Variants in TVP23A observed in about 807,000 individuals in gnomAD.
The protein encoded by TVP23A is trans-golgi network vesicle protein 23 homolog A, also known as Golgi apparatus membrane protein TVP23 homolog A.
In TVP23A, 21 loss-of-function variants were observed where a neutral mutation model predicts 31.7. The observed-to-expected ratio is 0.66, with a 90% CI of 0.47 to 0.95. TVP23A has a LOEUF of 0.95. TVP23A is among the 40% of genes least tolerant of loss of function. The pLI is 0.00. For missense variants in TVP23A, 279 were observed against 255.6 expected (o/e 1.09, Z -0.62); for synonymous variants, 104 against 96.0 (o/e 1.08, Z -0.49).
chr16:10,767,212 G>T lies in TVP23A; in HGVS notation c.*1890C>A, dbSNP rs1232819674. On this transcript the variant is annotated 3_prime_UTR_variant, in exon 8 of 8. Coordinates refer to ENST00000299866, the MANE Select transcript of TVP23A (RefSeq NM_001079512.4). This position sits in a 1 kb window ranked among gnomAD's most constrained non-coding sequence, Gnocchi z 4.6. ...TCCACCCACGACTGGGGGCTGGCAGGGCAGACTGGAGGCGAGAACACCCCC... is the reference window on the plus strand; with the variant it reads ...TCCACCCACGACTGGGGGCTGGCAGTGCAGACTGGAGGCGAGAACACCCCC... 3 of 399,702 alleles carry T rather than the reference G, an allele frequency of 7.5e-6. No homozygotes were observed. The highest frequency in any genetic ancestry group is 6.2e-5 in the African/African-American group (3 of 48,650). 24.8% of individuals were successfully genotyped at this position (399,702 alleles called of 1,614,324 possible). A position where few individuals can be genotyped will look rare whatever the true frequency, so the allele number is the denominator to read the frequency against.
At chr16:10,791,730 C>A (rs574177984) in intron 2 of TVP23A, among the ~76,000 whole-genome samples, 5 of 152,334 alleles carry the variant, frequency 3.3e-5, no homozygotes, top group Admixed American at 3.3e-4. Flanking sequence ...GCCTCAGCCT[C>A]CTGAGTAGCT....
chr16:10,757,916 C>G (rs571511041), downstream of TVP23A: 2 of 1,613,988 alleles, frequency 1.2e-6, no homozygotes, highest in Non-Finnish European at 1.7e-6. This position sits in a 1 kb window ranked among gnomAD's most constrained non-coding sequence, Gnocchi z 4.1. Flanking sequence ...GGGGAGAGGT[C>G]GACTACCTCA....
chr16:10,775,051 G>A lies in TVP23A; in HGVS notation c.135C>T (p.Ala45=), dbSNP rs1315268292. 3 of 1,611,832 alleles carry A rather than the reference G, an allele frequency of 1.9e-6. No individual in the cohort carries two copies. The highest frequency in any genetic ancestry group is 2.5e-6 in the Non-Finnish European group (3 of 1,178,926). The change falls in exon 3 of 8, where the codon GCC becomes GCT. Residue 45 remains alanine (A), a synonymous_variant. Coordinates refer to ENST00000299866, the MANE Select transcript of TVP23A (RefSeq NM_001079512.4). ...AGTCGCAGCTCACGTAGGTGACGAT[G>A]GCACTCACTCGGAAAAACAGGTGGA... The part of the protein sequence containing the change: ...TFFHLFFRVS[A]IVTYVSCDWF...
chr16:10,799,039 T>C (rs2033559349), intron 2 of TVP23A, among the ~76,000 whole-genome samples: 1 of 152,188 alleles, frequency 6.6e-6, no homozygotes, highest in Non-Finnish European at 1.5e-5. Context: ...AGCAGCCCTA[T>C]GTTGAGAGGC....
chr16:10,792,012 C>T (rs2033131668), intron 2 of TVP23A, among the ~76,000 whole-genome samples: 2 of 152,202 alleles, frequency 1.3e-5, no homozygotes, highest in South Asian at 2.1e-4. Context: ...GCCAGCCTTC[C>T]CTGAGTGCTA....
At chr16:10,762,054 A>C, downstream of TVP23A, 1 of 527,766 alleles carries the variant, frequency 1.9e-6, no homozygotes, top group Non-Finnish European at 3.4e-6. Flanking sequence ...GCGGGCAGGT[A>C]GCGGGAGCAA....
At chr16:10,811,903 C>CAAAAAAAAAA (rs763108313) in intron 2 of TVP23A, among the ~76,000 whole-genome samples, 3 of 42,226 alleles carry the variant, frequency 7.1e-5, no homozygotes, top group Admixed American at 2.4e-4. Flanking sequence ...GACTCCGTCT[C>CAAAAAAAAAA]AAAAAAAAAA....
At chr16:10,799,934 A>T (rs2033610453) in intron 2 of TVP23A, among the ~76,000 whole-genome samples, 1 of 149,294 alleles carries the variant, frequency 6.7e-6, no homozygotes, top group South Asian at 2.2e-4. Flanking sequence ...GCATGAAAAG[A>T]GGGAGTGGCT....
At chr16:10,809,780 T>C (rs1182410771) in intron 2 of TVP23A, among the ~76,000 whole-genome samples, 1 of 152,092 alleles carries the variant, frequency 6.6e-6, no homozygotes, top group Non-Finnish European at 1.5e-5. Flanking sequence ...TCCTCCTGCA[T>C]CCCAAGGCAG....
At chr16:10,765,574 C>A (rs2030756147), downstream of TVP23A, among the ~76,000 whole-genome samples, 1 of 152,186 alleles carries the variant, frequency 6.6e-6, no homozygotes, top group Admixed American at 6.5e-5. This position sits in a 1 kb window ranked among gnomAD's most constrained non-coding sequence, Gnocchi z 4.0. Flanking sequence ...CAGCCACAGG[C>A]CTGCCCTTGC....
intron 2 of TVP23A, among the ~76,000 whole-genome samples, chr16:10,794,216 A>C (rs2033263307): frequency 6.6e-6 from 1 of 152,230 alleles, no homozygotes; most frequent in African/African-American, 2.4e-5. Context: ...TTAGAATAGC[A>C]ATCAAATCTC....
rs1047579036 is a variant in TVP23A, at chr16:10,784,592, GA to G, written c.90-9497del. Reference sequence around the variant, plus strand: ...AATAAATAAATAAAGAAGAAAGAAAGAAAAAAAAACCTCATAAAATGTACAA... The same window carrying G: ...AATAAATAAATAAAGAAGAAAGAAAGAAAAAAAACCTCATAAAATGTACAA... On this transcript the variant is annotated intron_variant, in intron 2 of 7. Transcript: ENST00000299866. 6.0e-5 allele frequency among the ~76,000 whole-genome samples: 9 copies of G among 149,388 alleles called. No homozygotes were observed. The East Asian group carries it at 7.8e-4, about 13-fold the overall frequency.
intron 2 of TVP23A, among the ~76,000 whole-genome samples, chr16:10,815,234 A>G (rs1032282956): frequency 3.3e-5 from 5 of 152,080 alleles, no homozygotes; most frequent in African/African-American, 1.2e-4. Flanking sequence ...CATCTCTACT[A>G]AAACAAAACA....
intron 2 of TVP23A, among the ~76,000 whole-genome samples, chr16:10,807,794 G>A (rs920588941): frequency 5.3e-5 from 8 of 152,232 alleles, no homozygotes; most frequent in Non-Finnish European, 7.3e-5. Flanking sequence ...CAAAGCTCAC[G>A]CTGAGTGTCT....
chr16:10,790,700 A>G (rs2033057027), intron 2 of TVP23A, among the ~76,000 whole-genome samples: 1 of 152,160 alleles, frequency 6.6e-6, no homozygotes, highest in Non-Finnish European at 1.5e-5. Context: ...ATGAAAATTT[A>G]TGGTTTGTAG....
chr16:10,807,485 G>A (rs1273399166), intron 2 of TVP23A, among the ~76,000 whole-genome samples: 1 of 152,194 alleles, frequency 6.6e-6, no homozygotes, highest in Non-Finnish European at 1.5e-5. Flanking sequence ...TCAACCAGGG[G>A]CAATGTGGCT....
intron 2 of TVP23A, chr16:10,808,450 G>C (rs1471649429): frequency 2.2e-6 from 1 of 451,672 alleles, no homozygotes; most frequent in African/African-American, 2.0e-5. Flanking sequence ...GAGACCACAG[G>C]ACAATGATCT....
At chr16:10,772,812 C>T (rs1416263818) in intron 5 of TVP23A, among the ~76,000 whole-genome samples, 1 of 152,148 alleles carries the variant, frequency 6.6e-6, no homozygotes, top group Non-Finnish European at 1.5e-5. Context: ...ATGAAAATTT[C>T]CTAACATTGA....
chr16:10,803,268 T>TGTGTGTGTGTGTGTGTGTGCGTGC (rs1555485950), intron 2 of TVP23A, among the ~76,000 whole-genome samples: 1 of 151,302 alleles, frequency 6.6e-6, no homozygotes, highest in Non-Finnish European at 1.5e-5. Flanking sequence ...TGTGTGTGTG[T>TGTGTGTGTGTGTGTGTGTGCGTGC]GTGTGTGTGT....
Sources: gnomAD v4.1 joint callset for allele counts (sites outside exome capture counted in the v4.1 genomes callset) on GRCh38, gnomAD v4.1.1 for gene constraint, Gnocchi (gnomAD v3.1) non-coding constraint, MANE v1.5 for transcripts, NCBI Gene and HGNC (gene_info 2026-07-23, HGNC 2026-07-21) for gene names.